STK24: variants seen among roughly 807,000 people sequenced by gnomAD.
STK24 encodes the protein serine/threonine-protein kinase 24.
Under a neutral mutation model 55.6 loss-of-function variants are expected in STK24, and 21 were observed. The observed-to-expected ratio is 0.38, with a 90% CI of 0.27 to 0.54. STK24 has a LOEUF of 0.54. Ranked by LOEUF, STK24 falls within the 20% of genes least tolerant of loss-of-function variation. The pLI, the probability that STK24 is intolerant of heterozygous loss-of-function variation, is 0.79. For missense variants in STK24, 383 were observed against 538.4 expected (o/e 0.71, Z 2.86); for synonymous variants, 200 against 215.2 (o/e 0.93, Z 0.62).
rs1345088159 is a variant in STK24, at chr13:98,449,972, G to A, written c.*3201C>T. The A allele has an allele frequency of 1.3e-5, 2 of 152,218 alleles. No homozygotes were observed. Among genetic ancestry groups the A allele is most frequent in the African/African-American group, 4.8e-5 (2 of 41,452 alleles). The allele number at this position is 152,218 out of a possible 1,614,324, so 9.4% of individuals were successfully genotyped here. On this transcript the variant is annotated 3_prime_UTR_variant, in exon 11 of 11. Transcript: ENST00000539966. The stretch of plus-strand genomic sequence containing the variant: ...ACACAGCAGCATCAGGCTCCCTCCA[G>A]AAGTCACCACTCACTCATTCCTGGA...
chr13:98,544,325 C>T (rs1896975964), intron 1 of STK24, among the ~76,000 whole-genome samples: 1 of 152,176 alleles, frequency 6.6e-6, no homozygotes, highest in African/African-American at 2.4e-5. Context: ...CACAGAAGTC[C>T]CCAGCAGGCC....
Position 98,450,544 on chromosome 13 carries a change from A to C in STK24, c.*2629T>G, listed in dbSNP as rs1893137956. ...GGTGTCCACCTCATTGGCAGCAGCC[A>C]GCCAGGACACAGCTCAAAAACGCAG... On this transcript the variant is annotated 3_prime_UTR_variant, in exon 11 of 11. Transcript: ENST00000539966. 1 of 152,392 alleles carries C rather than the reference A, an allele frequency of 6.6e-6. No homozygotes were observed. The highest frequency in any genetic ancestry group is 1.5e-5 in the Non-Finnish European group (1 of 68,170). 9.4% of individuals were successfully genotyped at this position (152,392 alleles called of 1,614,324 possible).
chr13:98,524,685 T>A (rs1896371600), intron 1 of STK24, among the ~76,000 whole-genome samples: 1 of 152,168 alleles, frequency 6.6e-6, no homozygotes, highest in Admixed American at 6.5e-5. Flanking sequence ...CAACAACAGA[T>A]AATAGAATTC....
In STK24 at chr13:98,556,932, C is replaced by T. The variant is rs568670947; in HGVS notation, c.42+19813G>A. On this transcript the variant is annotated intron_variant, in intron 1 of 10. Transcript: ENST00000539966. Reference sequence around the variant, plus strand: ...TAAATTTGTTAAAAGGAACTCCTGTCGTCTAAGAAATTACAAGCTACTCTT... The same window carrying T: ...TAAATTTGTTAAAAGGAACTCCTGTTGTCTAAGAAATTACAAGCTACTCTT... Among the ~76,000 whole-genome samples, 109 of 152,290 alleles carry T rather than the reference C, an allele frequency of 7.2e-4. 5 individuals carry two copies. In the South Asian group the frequency reaches 7.7e-3, roughly 11 times the overall value.
Position 98,452,963 on chromosome 13 carries a change from G to C in STK24, c.*210C>G, listed in dbSNP as rs1893267099. The stretch of plus-strand genomic sequence containing the variant: ...AATAAAATAAAATGATCGCTGGAAG[G>C]AGCTGACCCTCCCCACCCATCTGAG... On this transcript the variant is annotated 3_prime_UTR_variant, in exon 11 of 11. Coordinates refer to ENST00000539966, the MANE Select transcript of STK24 (RefSeq NM_001032296.4). 1 of 476,042 alleles carries C rather than the reference G, an allele frequency of 2.1e-6. No homozygotes were observed. Among genetic ancestry groups the C allele is most frequent in the Non-Finnish European group, 3.7e-6 (1 of 269,898 alleles). The allele number at this position is 476,042 out of a possible 1,614,324, so 29.5% of individuals were successfully genotyped here.
chr13:98,501,777 C>T (rs922041802), intron 2 of STK24, among the ~76,000 whole-genome samples: 13 of 152,290 alleles, frequency 8.5e-5, no homozygotes, highest in South Asian at 2.1e-4. Context: ...GAGATAAGCA[C>T]GATAAGCTGC....
At chr13:98,531,171 A>G (rs2139402454) in intron 1 of STK24, among the ~76,000 whole-genome samples, 1 of 152,330 alleles carries the variant, frequency 6.6e-6, no homozygotes, top group African/African-American at 2.4e-5. Context: ...AAGCAAGCCT[A>G]TTCATCCATA....
intron 1 of STK24, among the ~76,000 whole-genome samples, chr13:98,544,220 C>T (rs759743392): frequency 2.6e-5 from 4 of 152,162 alleles, no homozygotes; most frequent in African/African-American, 7.2e-5. Context: ...CAGGCTGAGG[C>T]GACAACTGAG....
chr13:98,565,392 C>G (rs758584085), intron 1 of STK24, among the ~76,000 whole-genome samples: 1 of 152,052 alleles, frequency 6.6e-6, no homozygotes, highest in African/African-American at 2.4e-5. Flanking sequence ...CTCTGGAAGG[C>G]GAAGGCGAGA....
chr13:98,526,638 T>G (rs1361801277), intron 1 of STK24, among the ~76,000 whole-genome samples: 1 of 152,260 alleles, frequency 6.6e-6, no homozygotes, highest in Non-Finnish European at 1.5e-5. Flanking sequence ...CAAGTTTATT[T>G]AACTGTCTTC....
chr13:98,540,149 G>A (rs2139418341), intron 1 of STK24, among the ~76,000 whole-genome samples: 1 of 152,304 alleles, frequency 6.6e-6, no homozygotes, highest in Admixed American at 6.5e-5. Context: ...TACATGAAAT[G>A]TCCAGAAAAG....
chr13:98,502,875 A>T (rs961024718), intron 2 of STK24, among the ~76,000 whole-genome samples: 1 of 152,122 alleles, frequency 6.6e-6, no homozygotes, highest in Non-Finnish European at 1.5e-5. Flanking sequence ...TGGGAATCCT[A>T]ATTTCTTTGG....
At chr13:98,458,548 C>T (rs1034734099) in intron 9 of STK24, among the ~76,000 whole-genome samples, 4 of 152,176 alleles carry the variant, frequency 2.6e-5, no homozygotes, top group Admixed American at 2.0e-4. Flanking sequence ...CACAGGGCCA[C>T]GCCGCCGGCC....
intron 1 of STK24, among the ~76,000 whole-genome samples, chr13:98,525,599 C>T (rs1282827988): frequency 6.6e-6 from 1 of 152,102 alleles, no homozygotes; most frequent in Non-Finnish European, 1.5e-5. Context: ...ACAGTGGAGC[C>T]GGGCTCGCCA....
At chr13:98,526,701 A>C (rs1259290534) in intron 1 of STK24, among the ~76,000 whole-genome samples, 1 of 152,178 alleles carries the variant, frequency 6.6e-6, no homozygotes, top group African/African-American at 2.4e-5. Context: ...TCTGTTTTTC[A>C]AGAAACTTGG....
intron 1 of STK24, among the ~76,000 whole-genome samples, chr13:98,546,902 T>C (rs1044429622): frequency 1.2e-4 from 18 of 151,796 alleles, no homozygotes; most frequent in African/African-American, 4.4e-4. Context: ...CTAATTGTTG[T>C]TTTTTTTTGT....
chr13:98,550,602 A>G (rs1385090029), intron 1 of STK24, among the ~76,000 whole-genome samples: 1 of 152,194 alleles, frequency 6.6e-6, no homozygotes, highest in Non-Finnish European at 1.5e-5. Context: ...ACAAACCATC[A>G]GTATTTATCA....
intron 1 of STK24, among the ~76,000 whole-genome samples, chr13:98,565,194 C>T (rs1351909011): frequency 1.3e-5 from 2 of 152,112 alleles, no homozygotes; most frequent in African/African-American, 2.4e-5. Context: ...GTGTCATCCT[C>T]GAGGCGGCAA....
chr13:98,530,409 G>C (rs143315162), intron 1 of STK24, among the ~76,000 whole-genome samples: 1 of 152,142 alleles, frequency 6.6e-6, no homozygotes, highest in African/African-American at 2.4e-5. Flanking sequence ...TCTTCTCTTG[G>C]ATATGGTCTT....
Sources: allele counts gnomAD v4.1 joint callset (sites outside exome capture counted in the v4.1 genomes callset), GRCh38; gene constraint gnomAD v4.1.1; transcripts MANE v1.5; gene names NCBI Gene and HGNC (gene_info 2026-07-23, HGNC 2026-07-21).